Variants in ANKFN1 observed in about 807,000 individuals in gnomAD.
ANKFN1 encodes ankyrin repeat and fibronectin type III domain containing 1, also known as ankyrin repeat and fibronectin type-III domain-containing protein 1.
A neutral mutation model predicts 108.7 loss-of-function variants in ANKFN1; 74 were observed. The ratio of observed to expected loss-of-function variants is 0.68; its 90% CI spans 0.56 to 0.83. The LOEUF is 0.83. Among genes scored for constraint, ANKFN1 ranks in the 40% least tolerant of loss-of-function variants. The probability of loss-of-function intolerance (pLI) is 0.00; values close to 1 mark genes in which losing one functional copy is unlikely to be tolerated. For missense variants in ANKFN1, 1,505 were observed against 1,382.3 expected, an observed-to-expected ratio of 1.09 and a Z score of -1.41; for synonymous variants, 547 against 516.2, an observed-to-expected ratio of 1.06 and a Z score of -0.81.
chr17:56,405,525 C>T (rs1372411240), intron 8 of ANKFN1, among the ~76,000 whole-genome samples: 1 of 152,004 alleles, frequency 6.6e-6, no homozygotes, highest in Non-Finnish European at 1.5e-5. Flanking sequence ...CCTGGTAATT[C>T]TAAGTAGGGG....
intron 4 of ANKFN1, among the ~76,000 whole-genome samples, chr17:56,056,068 T>A (rs886219063): frequency 6.6e-6 from 1 of 152,040 alleles, no homozygotes; most frequent in African/African-American, 2.4e-5. Context: ...CAGTTTTTAA[T>A]GTTTTTCTTT....
At chr17:56,207,554 A>G (rs1914637683) in intron 1 of ANKFN1, among the ~76,000 whole-genome samples, 1 of 152,194 alleles carries the variant, frequency 6.6e-6, no homozygotes, top group African/African-American at 2.4e-5. Context: ...ATTGATAGCC[A>G]GAACATTCAT....
intron 3 of ANKFN1, among the ~76,000 whole-genome samples, chr17:56,297,536 AT>A (rs1267165917): frequency 3.3e-5 from 5 of 152,208 alleles, no homozygotes; most frequent in Admixed American, 1.3e-4. Context: ...TCTGAGATTC[AT>A]TTTGATAATC....
intron 4 of ANKFN1, among the ~76,000 whole-genome samples, chr17:56,093,949 G>T (rs1905468540): frequency 6.6e-6 from 1 of 151,280 alleles, no homozygotes; most frequent in Non-Finnish European, 1.5e-5. Flanking sequence ...TGAATTTAAA[G>T]TGAAGTAATC....
At chr17:56,106,620 T>C (rs1905757662) in intron 4 of ANKFN1, among the ~76,000 whole-genome samples, 1 of 152,240 alleles carries the variant, frequency 6.6e-6, no homozygotes, top group African/African-American at 2.4e-5. Context: ...ATCCCAGAAC[T>C]GTCATAATTT....
intron 9 of ANKFN1, among the ~76,000 whole-genome samples, chr17:56,441,987 G>GT (rs772138673): frequency 1.4e-4 from 21 of 151,384 alleles, no homozygotes; most frequent in Non-Finnish European, 2.8e-4. Context: ...TGCCCTTTGG[G>GT]TTCACTGGAA....
At chr17:56,155,034 G>GC (rs1908970676) in intron 1 of ANKFN1, among the ~76,000 whole-genome samples, 1 of 152,164 alleles carries the variant, frequency 6.6e-6, no homozygotes, top group African/African-American at 2.4e-5. Context: ...AAGCCTTCAT[G>GC]CCCCCCTCAA....
intron 3 of ANKFN1, among the ~76,000 whole-genome samples, chr17:56,309,370 T>G (rs143874709): frequency 5.3e-5 from 8 of 152,328 alleles, no homozygotes; most frequent in Non-Finnish European, 7.4e-5. Context: ...ATTATCCTTT[T>G]AATATCTGTA....
At chr17:56,180,576 G>A (rs1440463793) in intron 1 of ANKFN1, among the ~76,000 whole-genome samples, 1 of 152,170 alleles carries the variant, frequency 6.6e-6, no homozygotes, top group Non-Finnish European at 1.5e-5. Context: ...GGTTCCCCCA[G>A]TATGTAGTGT....
At chr17:56,228,094 A>C in intron 3 of ANKFN1, 137 bp downstream of exon 3, 6 of 683,254 alleles carry the variant, frequency 8.8e-6, no homozygotes, top group Non-Finnish European at 1.4e-5. Context: ...CTAACATTTC[A>C]TACTATTGAT....
chr17:56,111,383 C>T (rs1905952574), intron 4 of ANKFN1, among the ~76,000 whole-genome samples: 2 of 152,178 alleles, frequency 1.3e-5, no homozygotes, highest in African/African-American at 2.4e-5. Flanking sequence ...CTGCCTACCA[C>T]CTCTCTGCCT....
chr17:56,195,481 C>T (rs1913425733), intron 1 of ANKFN1: 1 of 152,152 alleles, frequency 6.6e-6, no homozygotes, highest in African/African-American at 2.4e-5. Context: ...TACTGGTTCC[C>T]CTTTCTTGGC....
At chr17:56,162,144 T>C (rs1441399136) in intron 1 of ANKFN1, among the ~76,000 whole-genome samples, 4 of 152,170 alleles carry the variant, frequency 2.6e-5, no homozygotes, top group African/African-American at 7.2e-5. Context: ...TACATAAAAC[T>C]AAGGAGAGGT....
intron 1 of ANKFN1, among the ~76,000 whole-genome samples, chr17:56,172,901 T>C (rs1910807964): frequency 6.6e-6 from 1 of 152,218 alleles, no homozygotes; most frequent in Non-Finnish European, 1.5e-5. Flanking sequence ...GGAGCACTTG[T>C]ATCATCTGTT....
At chr17:56,375,737 A>G (rs2144785474) in intron 8 of ANKFN1, among the ~76,000 whole-genome samples, 1 of 152,296 alleles carries the variant, frequency 6.6e-6, no homozygotes, top group Middle Eastern at 3.4e-3. Context: ...GGAAAAATGT[A>G]CTGCAGAGGT....
At chr17:56,484,171 C>A (rs1449561234) in intron 18 of ANKFN1, among the ~76,000 whole-genome samples, 1 of 151,978 alleles carries the variant, frequency 6.6e-6, no homozygotes, top group Non-Finnish European at 1.5e-5. Context: ...AACAAGTGGT[C>A]CAGTTTGGCT....
At chr17:56,424,189 G>A (rs2048489975) in intron 8 of ANKFN1, among the ~76,000 whole-genome samples, 1 of 152,130 alleles carries the variant, frequency 6.6e-6, no homozygotes, top group Non-Finnish European at 1.5e-5. Flanking sequence ...CTTCATCATG[G>A]ACCTGCACTG....
intron 2 of ANKFN1, among the ~76,000 whole-genome samples, chr17:56,220,042 A>G (rs182944272): frequency 6.8e-4 from 104 of 152,356 alleles, no homozygotes; most frequent in African/African-American, 2.4e-3. Flanking sequence ...GTAACTTAGT[A>G]TGCTGGTAAA....
At chr17:56,162,711 C>A (rs556208834) in intron 1 of ANKFN1, among the ~76,000 whole-genome samples, 1 of 152,286 alleles carries the variant, frequency 6.6e-6, no homozygotes, top group East Asian at 1.9e-4. Context: ...AATTAGCAAA[C>A]ACCTATTTTA....
Sources: gnomAD v4.1 joint callset for allele counts (sites outside exome capture counted in the v4.1 genomes callset) on GRCh38, gnomAD v4.1.1 for gene constraint, MANE v1.5 for transcripts, NCBI Gene and HGNC (gene_info 2026-07-23, HGNC 2026-07-21) for gene names.